The following MAP3K19 variants were observed in gnomAD, a reference collection of about 807,000 sequenced individuals.
MAP3K19 encodes the protein SPS1/STE20-related protein kinase YSK4.
MAP3K19 carries 91 observed loss-of-function variants against 114.4 expected under a neutral mutation model. The observed-to-expected ratio is 0.80, with a 90% CI of 0.67 to 0.95. The LOEUF is 0.95. Ranked by LOEUF, MAP3K19 falls within the 40% of genes least tolerant of loss-of-function variation. The pLI is 0.00. For missense variants in MAP3K19, 1,471 were observed against 1,573.2 expected (o/e 0.94, Z 1.10); for synonymous variants, 518 against 530.5 (o/e 0.98, Z 0.32).
intron 3 of MAP3K19, among the ~76,000 whole-genome samples, chr2:135,025,345 A>G (rs2105380169): frequency 6.6e-6 from 1 of 151,240 alleles, no homozygotes; most frequent in South Asian, 2.1e-4. Context: ...CATAAAAACC[A>G]AAGTGTGCCT....
intron 5 of MAP3K19, among the ~76,000 whole-genome samples, chr2:135,011,270 G>A (rs1559178709): frequency 1.3e-5 from 2 of 152,132 alleles, no homozygotes; most frequent in Non-Finnish European, 2.9e-5. Context: ...AGGCGCGGTG[G>A]CTCACGCCTG....
At chr2:135,027,375 A>G (rs899466429) in intron 3 of MAP3K19, among the ~76,000 whole-genome samples, 4 of 151,368 alleles carry the variant, frequency 2.6e-5, no homozygotes, top group African/African-American at 7.3e-5. Flanking sequence ...GAGAGAGAGA[A>G]AGAAAGAAAA....
intron 9 of MAP3K19, among the ~76,000 whole-genome samples, chr2:134,988,570 A>G (rs1217715950): frequency 1.3e-5 from 2 of 152,136 alleles, no homozygotes; most frequent in Non-Finnish European, 2.9e-5. Flanking sequence ...TTTAAATTTT[A>G]GTAGAGACAA....
chr2:134,989,431 G>A (rs1362870121), intron 9 of MAP3K19, among the ~76,000 whole-genome samples: 2 of 152,274 alleles, frequency 1.3e-5, no homozygotes, highest in African/African-American at 4.8e-5. Context: ...TAGAAACTTA[G>A]GCATTAAAAG....
intron 4 of MAP3K19, among the ~76,000 whole-genome samples, chr2:135,022,149 T>C (rs1167295009): frequency 6.6e-6 from 1 of 152,162 alleles, no homozygotes; most frequent in Non-Finnish European, 1.5e-5. Context: ...GATGAATCGA[T>C]CATCCTATCT....
chr2:134,976,746 G>GT (rs1329969598), intron 12 of MAP3K19, among the ~76,000 whole-genome samples: 1 of 131,724 alleles, frequency 7.6e-6, no homozygotes, highest in Admixed American at 7.5e-5. Flanking sequence ...CATTTCAAAA[G>GT]TAAAAAAAAA....
intron 12 of MAP3K19, among the ~76,000 whole-genome samples, chr2:134,965,933 C>T (rs1683310103): frequency 6.6e-6 from 1 of 152,214 alleles, no homozygotes; most frequent in African/African-American, 2.4e-5. Flanking sequence ...CTACTCTCTA[C>T]TTCCATGAGA....
At chr2:135,003,065 G>A (rs963549106) in intron 6 of MAP3K19, among the ~76,000 whole-genome samples, 1 of 152,180 alleles carries the variant, frequency 6.6e-6, no homozygotes. Context: ...TAAGAAGAGA[G>A]CTCACTCACT....
chr2:135,003,434 C>T (rs1490962656), intron 6 of MAP3K19, among the ~76,000 whole-genome samples: 2 of 152,060 alleles, frequency 1.3e-5, no homozygotes, highest in East Asian at 1.9e-4. Flanking sequence ...TATTTTTAAG[C>T]CCATTAGTTT....
rs745690040 is a variant in MAP3K19 at position 135,024,661 on chromosome 2, A to T, written c.-14T>A. On this transcript the variant is annotated 5_prime_UTR_variant, in exon 4 of 13. Coordinates refer to ENST00000392915, the MANE Select transcript of MAP3K19 (RefSeq NM_025052.5). ...CATAGAACTCATTAAAATGTCCAAA[A>T]GCTGCTGTTTCTTTGAACTCTCTAT... The T allele has an allele frequency of 3.1e-6, 5 of 1,612,860 alleles. No individual in the cohort carries two copies. Among genetic ancestry groups the T allele is most frequent in the Non-Finnish European group, 4.2e-6 (5 of 1,178,996 alleles).
intron 12 of MAP3K19, among the ~76,000 whole-genome samples, chr2:134,972,196 T>G (rs1007280628): frequency 1.3e-5 from 2 of 152,080 alleles, no homozygotes; most frequent in Non-Finnish European, 2.9e-5. Flanking sequence ...TATTCAAGCT[T>G]TCTATTTTTT....
chr2:134,991,323 A>G, intron 9 of MAP3K19: 1 of 560,012 alleles, frequency 1.8e-6, no homozygotes, highest in Non-Finnish European at 3.2e-6. Flanking sequence ...AAAACAAAAC[A>G]AAACAAAACA....
chr2:135,008,128 CT>C (rs944580033), intron 5 of MAP3K19, among the ~76,000 whole-genome samples: 178 of 145,448 alleles, frequency 1.2e-3, no homozygotes, highest in Middle Eastern at 3.6e-3. Flanking sequence ...AACAGTACTT[CT>C]TTTTTTTTTT....
rs374994084 is a variant in MAP3K19 at position 134,985,805 on chromosome 2, T to C, written c.3067A>G (p.Ile1023Val). ...TGGATTCTAATTATACCAACCTGTA[T>C]TTTGACTTTTGTTGTCTCTCTGCCC... The part of the protein sequence containing the change: ...EMGRETTKVK[I>V]QRHSSGLRIY... Residue 1023 changes from isoleucine (I) to valine (V), a missense_variant, in exon 10 of 13, where the codon ATA (isoleucine) becomes GTA (valine). Transcript: ENST00000392915. The C allele has an allele frequency of 8.1e-6, 13 of 1,600,086 alleles. No individual in the cohort carries two copies. The highest frequency in any genetic ancestry group is 1.0e-5 in the Non-Finnish European group (12 of 1,174,096).
rs147161771 is a variant in MAP3K19 at position 135,015,302 on chromosome 2, G to A, written c.138+6413C>T. ...TACATTTATCTAATGACTAAAAGCTGAGCATCTTTTAATATATTTTGTTGG... is the reference window on the plus strand; with the variant it reads ...TACATTTATCTAATGACTAAAAGCTAAGCATCTTTTAATATATTTTGTTGG... On this transcript the variant is annotated intron_variant, in intron 5 of 12. Transcript: ENST00000392915. 2.8e-4 allele frequency among the ~76,000 whole-genome samples: 43 copies of A among 152,278 alleles called. No individual in the cohort carries two copies. In the East Asian group the frequency reaches 8.1e-3, roughly 29 times the overall value.
Position 134,987,564 on chromosome 2 carries a change from C to G in MAP3K19, c.1308G>C (p.Glu436Asp), listed in dbSNP as rs528073720. The G allele has an allele frequency of 4.0e-5, 65 of 1,614,168 alleles. 2 individuals are homozygous for G. In the South Asian group the frequency reaches 6.4e-4, roughly 16 times the overall value. ...TGGATAAGCTTTTAAGTACAGTACA[C>G]TCTTCTAAAATATTGTTTGGTTCCA... ...EAMEPNNILE[E>D]CTVLKSLSSV... The change falls in exon 10 of 13, where the codon GAG becomes GAC. Residue 436 changes from glutamate to aspartate, a missense_variant. Coordinates refer to ENST00000392915, the MANE Select transcript of MAP3K19 (RefSeq NM_025052.5).
intron 5 of MAP3K19, among the ~76,000 whole-genome samples, chr2:135,008,387 C>T (rs1368704319): frequency 6.6e-6 from 1 of 152,240 alleles, no homozygotes; most frequent in Non-Finnish European, 1.5e-5. Flanking sequence ...TCCCAAAGTG[C>T]TGGGATTACA....
chr2:134,988,188 G>C lies in MAP3K19; in HGVS notation c.684C>G (p.His228Gln). ...TTCTTTCTTTTTCTTTTGGAAACTT[G>C]TGATTTTGGGGGATAGTAAGGACAC... is the stretch of plus-strand genomic sequence containing the variant. ...RSGVLTIPQN[H>Q]KFPKEKERNI... The change falls in exon 10 of 13, where the codon CAC becomes CAG. Residue 228 changes from histidine (H) to glutamine (Q), a missense_variant. Physicochemically the swap from His to Gln is conservative, Grantham distance 24. Coordinates refer to ENST00000392915, the MANE Select transcript of MAP3K19 (RefSeq NM_025052.5). 4.3e-6 allele frequency: 7 copies of C among 1,612,076 alleles called. No individual in the cohort carries two copies. The highest frequency in any genetic ancestry group is 5.1e-6 in the Non-Finnish European group (6 of 1,179,298).
At chr2:134,966,729 T>C (rs891539088) in intron 12 of MAP3K19, among the ~76,000 whole-genome samples, 23 of 152,326 alleles carry the variant, frequency 1.5e-4, no homozygotes, top group African/African-American at 5.5e-4. Flanking sequence ...TGCAGTCCTG[T>C]GGGCTCCACA....
Sources: allele counts gnomAD v4.1 joint callset (sites outside exome capture counted in the v4.1 genomes callset), GRCh38; gene constraint gnomAD v4.1.1; transcripts MANE v1.5; gene names NCBI Gene and HGNC (gene_info 2026-07-23, HGNC 2026-07-21).